Variants in MYBPC1 observed in about 807,000 individuals in gnomAD.
The protein encoded by MYBPC1 is myosin binding protein C1.
A neutral mutation model predicts 147.1 loss-of-function variants in MYBPC1; 52 were observed. That is an observed-to-expected ratio of 0.35 (90% CI 0.28 to 0.45). MYBPC1 has a LOEUF of 0.45. Among genes scored for constraint, MYBPC1 ranks in the 20% least tolerant of loss-of-function variants. The pLI, the probability that MYBPC1 is intolerant of heterozygous loss-of-function variation, is 1.00. For missense variants in MYBPC1, 1,228 were observed against 1,440.3 expected, an observed-to-expected ratio of 0.85 and a Z score of 2.39; for synonymous variants, 477 against 475.9, an observed-to-expected ratio of 1.00 and a Z score of -0.03.
At chr12:101,668,464 C>CT (rs1204077324) in intron 23 of MYBPC1, among the ~76,000 whole-genome samples, 2 of 151,864 alleles carry the variant, frequency 1.3e-5, no homozygotes, top group African/African-American at 4.8e-5. Context: ...CTTAGAGTCT[C>CT]TTTTTTTTAT....
Position 101,642,513 on chromosome 12 carries a change from T to C in MYBPC1, c.760T>C (p.Tyr254His). ...TGAGTACGAGAAGATCGCCTTCCAG[T>C]ATGGAATCACCGACCTGCGCGGCAT... Reference protein sequence around the residue: ...PSEYEKIAFQYGITDLRGMLK... With the variant: ...PSEYEKIAFQHGITDLRGMLK... The change falls in exon 11 of 32, where the codon TAT becomes CAT. Residue 254 changes from tyrosine (Y) to histidine (H), a missense_variant. By Grantham distance (83) the Tyr-to-His change is moderately conservative (BLOSUM62 2). Transcript: ENST00000361466. 6.2e-7 allele frequency: 1 copy of C among 1,613,814 alleles called. No homozygotes were observed. The highest frequency in any genetic ancestry group is 8.5e-7 in the Non-Finnish European group (1 of 1,179,918).
chr12:101,662,786 G>T (rs558128891), intron 21 of MYBPC1, among the ~76,000 whole-genome samples: 14 of 152,326 alleles, frequency 9.2e-5, no homozygotes, highest in African/African-American at 3.1e-4. Flanking sequence ...CCAACTGTGG[G>T]TGGCTCTGAT....
At chr12:101,604,313 C>T (rs1016749312) in intron 1 of MYBPC1, among the ~76,000 whole-genome samples, 13 of 152,000 alleles carry the variant, frequency 8.6e-5, no homozygotes, top group African/African-American at 3.1e-4. Context: ...GAAAAAAAAC[C>T]CTGTAGATTC....
chr12:101,606,668 C>A (rs989981495), intron 1 of MYBPC1, among the ~76,000 whole-genome samples: 1 of 151,918 alleles, frequency 6.6e-6, no homozygotes, highest in Non-Finnish European at 1.5e-5. Flanking sequence ...ACCCATAATG[C>A]CTATAATGAA....
chr12:101,655,472 C>T (rs368779257), intron 18 of MYBPC1, among the ~76,000 whole-genome samples: 6 of 152,284 alleles, frequency 3.9e-5, no homozygotes, highest in African/African-American at 1.4e-4. Flanking sequence ...ATCAGTTAGA[C>T]TTCAAATTTT....
At chr12:101,666,785 T>C in intron 22 of MYBPC1, 1 of 1,613,754 alleles carries the variant, frequency 6.2e-7, no homozygotes, top group East Asian at 2.2e-5. Flanking sequence ...GGAGGCTGCC[T>C]ATGATCTGCC....
chr12:101,622,437 T>C (rs908062881), intron 3 of MYBPC1, among the ~76,000 whole-genome samples: 4 of 152,152 alleles, frequency 2.6e-5, no homozygotes, highest in African/African-American at 9.7e-5. Flanking sequence ...AAGCAACTTT[T>C]AAAAGAAAGG....
chr12:101,621,438 C>A (rs1280622287), intron 3 of MYBPC1, among the ~76,000 whole-genome samples: 2 of 152,118 alleles, frequency 1.3e-5, no homozygotes, highest in African/African-American at 4.8e-5. Context: ...ATAAATTAAC[C>A]GAATGCCTCA....
the MYBPC1 span, among the ~76,000 whole-genome samples, chr12:101,691,428 C>T: frequency 6.6e-6 from 1 of 152,204 alleles, no homozygotes; most frequent in Non-Finnish European, 1.5e-5. Flanking sequence ...AATGAAAGTC[C>T]ATGGGCTTCC....
chr12:101,610,668 A>G (rs1883939874), intron 1 of MYBPC1, among the ~76,000 whole-genome samples: 1 of 152,134 alleles, frequency 6.6e-6, no homozygotes, highest in Non-Finnish European at 1.5e-5. Flanking sequence ...TTTCTCTCAT[A>G]CTTGAGGAAA....
At chr12:101,650,093 T>A (rs11110919) in intron 15 of MYBPC1, among the ~76,000 whole-genome samples, 33,665 of 152,250 alleles carry the variant, frequency 0.22, 4,000 homozygotes, top group Middle Eastern at 0.34. Context: ...GCTTTATGGA[T>A]CTGTGGCCAT....
In MYBPC1 at chr12:101,673,466, G is replaced by A. The variant is rs935265402; in HGVS notation, c.2653G>A (p.Ala885Thr). 2.4e-5 allele frequency: 38 copies of A among 1,613,342 alleles called. No homozygotes were observed. Among genetic ancestry groups the A allele is most frequent in the Non-Finnish European group, 3.2e-5 (38 of 1,179,998 alleles). Residue 885 changes from alanine to threonine, a missense_variant, in exon 25 of 32, where the codon GCA becomes ACA. Physicochemically the swap from Ala to Thr is moderately conservative, Grantham distance 58 (BLOSUM62 0). Transcript: ENST00000361466. ...AGAATTAACTTGGAAGAAGGATGGTGCAGAAATTGATAAGAATCAAATAAA... is the reference window on the plus strand; with the variant it reads ...AGAATTAACTTGGAAGAAGGATGGTACAGAAATTGATAAGAATCAAATAAA... ...RPELTWKKDG[A>T]EIDKNQINIR...
intron 3 of MYBPC1, among the ~76,000 whole-genome samples, chr12:101,623,144 G>A (rs1887815331): frequency 6.6e-6 from 1 of 152,172 alleles, no homozygotes; most frequent in Non-Finnish European, 1.5e-5. Context: ...TTCAAGACCA[G>A]CCTGGCCAAT....
At chr12:101,622,973 C>T (rs1048255086) in intron 3 of MYBPC1, among the ~76,000 whole-genome samples, 2 of 152,146 alleles carry the variant, frequency 1.3e-5, no homozygotes, top group Admixed American at 6.5e-5. Flanking sequence ...AACAACTGTG[C>T]ATGTCCTCCA....
intron 18 of MYBPC1, among the ~76,000 whole-genome samples, chr12:101,656,829 C>T (rs2136364688): frequency 6.6e-6 from 1 of 152,286 alleles, no homozygotes; most frequent in East Asian, 1.9e-4. Context: ...CTGAACTCAA[C>T]AGCACTATCA....
intron 3 of MYBPC1, among the ~76,000 whole-genome samples, chr12:101,623,443 A>G (rs1887895468): frequency 3.9e-5 from 6 of 152,256 alleles, no homozygotes; most frequent in Admixed American, 3.9e-4. Context: ...TGATGTATCA[A>G]TCAATTTTTT....
chr12:101,669,912 CAG>C (rs766211031), intron 23 of MYBPC1: 22 of 275,120 alleles, frequency 8.0e-5, no homozygotes, highest in South Asian at 4.6e-4. Flanking sequence ...GCCTGGGCGA[CAG>C]AGAGAGACTC....
At chr12:101,643,194 ATTGT>A (rs920384606) in intron 11 of MYBPC1, among the ~76,000 whole-genome samples, 11 of 152,092 alleles carry the variant, frequency 7.2e-5, no homozygotes, top group African/African-American at 2.4e-4. Context: ...CAATCCTATT[ATTGT>A]TTATTATTTT....
chr12:101,626,592 T>G (rs1006941682), intron 3 of MYBPC1, among the ~76,000 whole-genome samples: 6 of 152,230 alleles, frequency 3.9e-5, no homozygotes, highest in Non-Finnish European at 8.8e-5. Flanking sequence ...ATTCATTTTT[T>G]CCTAACCTAC....
Sources: allele counts gnomAD v4.1 joint callset (sites outside exome capture counted in the v4.1 genomes callset), GRCh38; gene constraint gnomAD v4.1.1; transcripts MANE v1.5; gene names NCBI Gene and HGNC (gene_info 2026-07-23, HGNC 2026-07-21).